The following CDK14 variants were observed in gnomAD, a reference collection of about 807,000 sequenced individuals.
CDK14 encodes cyclin-dependent kinase 14.
Under a neutral mutation model 60.7 loss-of-function variants are expected in CDK14, and 34 were observed. The ratio of observed to expected loss-of-function variants is 0.56; its 90% CI spans 0.43 to 0.75. CDK14 has a LOEUF of 0.75. Among genes scored for constraint, CDK14 ranks in the 30% least tolerant of loss-of-function variants. The probability of loss-of-function intolerance (pLI) is 0.00; values close to 1 mark genes in which losing one functional copy is unlikely to be tolerated. For synonymous variants in CDK14, 197 were observed against 203.7 expected (o/e 0.97, Z 0.28); for missense variants, 482 against 564.1 (o/e 0.85, Z 1.47).
chr7:90,773,601 G>A (rs1804872628), intron 4 of CDK14, among the ~76,000 whole-genome samples: 1 of 152,142 alleles, frequency 6.6e-6, no homozygotes, highest in South Asian at 2.1e-4. Flanking sequence ...TGAACTCTTG[G>A]ACTCAAGTGA....
chr7:91,045,687 A>G (rs1388568266), intron 10 of CDK14, among the ~76,000 whole-genome samples: 1 of 152,184 alleles, frequency 6.6e-6, no homozygotes, highest in African/African-American at 2.4e-5. Context: ...GTCTTACCAC[A>G]TTCAGCTGTA....
intron 5 of CDK14, among the ~76,000 whole-genome samples, chr7:90,833,203 T>C (rs1432411598): frequency 6.6e-6 from 1 of 152,238 alleles, no homozygotes; most frequent in African/African-American, 2.4e-5. Flanking sequence ...TATTAGTTGA[T>C]TGATAATTGA....
chr7:90,681,829 G>T (rs1801324940), intron 2 of CDK14, among the ~76,000 whole-genome samples: 1 of 152,198 alleles, frequency 6.6e-6, no homozygotes, highest in African/African-American at 2.4e-5. Context: ...TTTGGTTATG[G>T]TTAATGTGGA....
intron 2 of CDK14, chr7:90,710,415 T>A (rs558972527): frequency 2.0e-6 from 2 of 985,350 alleles, no homozygotes. Context: ...AGTAAACTGA[T>A]GTCCATGAAT....
At chr7:90,668,811 C>T (rs1801043293) in intron 2 of CDK14, among the ~76,000 whole-genome samples, 1 of 147,508 alleles carries the variant, frequency 6.8e-6, no homozygotes, top group African/African-American at 2.5e-5. Context: ...TGGGCCCAAG[C>T]AATCTTCATG....
chr7:90,925,269 GCTGTGGAAAT>G (rs1166294930), intron 8 of CDK14, among the ~76,000 whole-genome samples: 1 of 152,186 alleles, frequency 6.6e-6, no homozygotes, highest in Non-Finnish European at 1.5e-5. Context: ...AGAGTTGTCA[GCTGTGGAAAT>G]CTGTCCTGTG....
intron 5 of CDK14, chr7:90,824,681 G>T (rs939056540): frequency 6.6e-6 from 1 of 152,150 alleles, no homozygotes; most frequent in Admixed American, 6.5e-5. Flanking sequence ...CTTAAACAGG[G>T]TAGAGAGATA....
intron 8 of CDK14, among the ~76,000 whole-genome samples, chr7:90,935,473 A>G (rs1001365707): frequency 3.9e-5 from 6 of 152,254 alleles, no homozygotes; most frequent in African/African-American, 1.4e-4. Flanking sequence ...AGGGGAATGC[A>G]CAGTTATTTT....
intron 2 of CDK14, among the ~76,000 whole-genome samples, chr7:90,612,069 G>T (rs1402296473): frequency 6.6e-6 from 1 of 152,122 alleles, no homozygotes; most frequent in Non-Finnish European, 1.5e-5. Flanking sequence ...CAGACCTCAG[G>T]TGATCCACCC....
chr7:91,072,555 C>G (rs1408405243), intron 11 of CDK14, among the ~76,000 whole-genome samples: 1 of 152,148 alleles, frequency 6.6e-6, no homozygotes, highest in African/African-American at 2.4e-5. Flanking sequence ...TAGACAAACT[C>G]ATGAAGATGA....
In CDK14 at chr7:91,207,149, A is replaced by G. The variant is rs1351259949; in HGVS notation, c.*29-16A>G. The G allele has an allele frequency of 1.3e-5, 2 of 149,658 alleles. No individual in the cohort carries two copies. Among genetic ancestry groups the G allele is most frequent in the Non-Finnish European group, 3.0e-5 (2 of 67,188 alleles). 9.3% of individuals were successfully genotyped at this position (149,658 alleles called of 1,614,324 possible). On this transcript the variant is annotated splice_polypyrimidine_tract_variant and intron_variant, in intron 14 of 14. Transcript: ENST00000380050. ...TAGATTTTTTATATAACAATTTTCT[A>G]TTTTCCTCCTTCCAGGATTAAGTTG...
chr7:90,880,809 G>A (rs1322383797), intron 6 of CDK14, among the ~76,000 whole-genome samples: 1 of 152,096 alleles, frequency 6.6e-6, no homozygotes, highest in African/African-American at 2.4e-5. Flanking sequence ...AGGGCCTGAA[G>A]TGAACTCTAG....
intron 10 of CDK14, among the ~76,000 whole-genome samples, chr7:90,984,792 C>CA (rs1795329923): frequency 6.6e-6 from 1 of 152,182 alleles, no homozygotes; most frequent in Non-Finnish European, 1.5e-5. Flanking sequence ...TCTTCCTCCC[C>CA]AAACCATAGC....
At chr7:90,806,255 G>C (rs1021428886) in intron 5 of CDK14, among the ~76,000 whole-genome samples, 4 of 151,914 alleles carry the variant, frequency 2.6e-5, no homozygotes, top group Admixed American at 6.6e-5. Context: ...CAGCAAAAAC[G>C]TAATATATAA....
At chr7:91,190,831 A>T (rs1416783814) in intron 14 of CDK14, among the ~76,000 whole-genome samples, 2 of 152,116 alleles carry the variant, frequency 1.3e-5, no homozygotes, top group African/African-American at 2.4e-5. Flanking sequence ...AGAGACTTCC[A>T]AGGGAAGATA....
intron 10 of CDK14, among the ~76,000 whole-genome samples, chr7:91,008,146 C>CAAAAAA (rs1394465227): frequency 1.2e-5 from 1 of 84,122 alleles, no homozygotes. Flanking sequence ...AAAAAAAAAA[C>CAAAAAA]AAACAAAAAA....
At chr7:91,076,210 G>A (rs977926766) in intron 11 of CDK14, among the ~76,000 whole-genome samples, 3 of 113,872 alleles carry the variant, frequency 2.6e-5, no homozygotes, top group African/African-American at 1.0e-4. Context: ...CATGCTACCT[G>A]ACTTCAAACT....
chr7:91,025,285 A>G (rs1796540269), intron 10 of CDK14, among the ~76,000 whole-genome samples: 2 of 152,142 alleles, frequency 1.3e-5, no homozygotes, highest in Admixed American at 6.5e-5. Flanking sequence ...TAAGTCTAAA[A>G]TCAGCCACAG....
In CDK14 at chr7:91,118,143, A is replaced by G. The variant is rs775554751; in HGVS notation, c.1373A>G (p.Asn458Ser). Residue 458 changes from asparagine to serine, a missense_variant, in exon 14 of 15, where the codon AAT becomes AGT. By Grantham distance (46) the Asn-to-Ser change is conservative. Transcript: ENST00000380050. ...GESMRAFGKN[N>S]SYGKSLSNSK... Reference sequence around the variant, plus strand: ...AGCATGCGGGCCTTTGGGAAAAACAATAGTTATGGCAAAAGTCTATCAAAC... The same window carrying G: ...AGCATGCGGGCCTTTGGGAAAAACAGTAGTTATGGCAAAAGTCTATCAAAC... The G allele has an allele frequency of 7.4e-6, 12 of 1,613,624 alleles. No individual in the cohort carries two copies. Among genetic ancestry groups the G allele is most frequent in the Non-Finnish European group, 1.0e-5 (12 of 1,179,610 alleles).
Sources: gnomAD v4.1 joint callset for allele counts (sites outside exome capture counted in the v4.1 genomes callset) on GRCh38, gnomAD v4.1.1 for gene constraint, MANE v1.5 for transcripts, NCBI Gene and HGNC (gene_info 2026-07-23, HGNC 2026-07-21) for gene names.